The following LRIG1 variants were observed in gnomAD, a reference collection of about 807,000 sequenced individuals.
LRIG1 encodes leucine-rich repeats and immunoglobulin-like domains protein 1.
LRIG1 carries 48 observed loss-of-function variants against 99.2 expected under a neutral mutation model. That is an observed-to-expected ratio of 0.48 (90% CI 0.38 to 0.62). The LOEUF (loss-of-function observed/expected upper bound fraction) is 0.62, where lower values mean the gene tolerates loss of function less well. LRIG1 is among the 20% of genes least tolerant of loss of function. The probability of loss-of-function intolerance (pLI) is 0.00; values close to 1 mark genes in which losing one functional copy is unlikely to be tolerated. For synonymous variants in LRIG1, 772 were observed against 596.1 expected, an observed-to-expected ratio of 1.29 and a Z score of -4.30; for missense variants, 1,646 against 1,434.4, an observed-to-expected ratio of 1.15 and a Z score of -2.38.
At chr3:66,443,737 C>T (rs983734509) in intron 3 of LRIG1, among the ~76,000 whole-genome samples, 1 of 152,216 alleles carries the variant, frequency 6.6e-6, no homozygotes, top group Non-Finnish European at 1.5e-5. Flanking sequence ...TGTTTGCTCA[C>T]GAAAGGCCTT....
rs1464921964 is a variant in LRIG1 at position 66,380,016 on chromosome 3, A to AAGAT, written c.*243_*246dup. ...CTAAAGATTAAAATAGCCTCTGTAA[A>AAGAT]AGATATATATGAAATCTCTGAAAAC... On this transcript the variant is annotated 3_prime_UTR_variant, in exon 19 of 19. Coordinates refer to ENST00000273261, the MANE Select transcript of LRIG1 (RefSeq NM_015541.3). 6 of 340,356 alleles carry AAGAT rather than the reference A, an allele frequency of 1.8e-5. No individual in the cohort carries two copies. Among genetic ancestry groups the AAGAT allele is most frequent in the East Asian group, 9.5e-5 (2 of 21,072 alleles). The allele number at this position is 340,356 out of a possible 1,614,324, so 21.1% of individuals were successfully genotyped here.
chr3:66,401,960 C>T (rs929704145), intron 9 of LRIG1, among the ~76,000 whole-genome samples: 3 of 152,092 alleles, frequency 2.0e-5, no homozygotes, highest in African/African-American at 7.2e-5. Context: ...TGGAAGTAGC[C>T]GCGACATGTG....
chr3:66,440,649 C>G (rs1703509694), intron 3 of LRIG1, among the ~76,000 whole-genome samples: 1 of 152,156 alleles, frequency 6.6e-6, no homozygotes, highest in Middle Eastern at 3.2e-3. Flanking sequence ...GCAGCAAAAG[C>G]AGGCTTGCCT....
chr3:66,382,369 T>C lies in LRIG1; in HGVS notation c.2521A>G (p.Ser841Gly), dbSNP rs1379626131. Residue 841 changes from serine to glycine, a missense_variant, in exon 16 of 19, where the codon AGC becomes GGC. Coordinates refer to ENST00000273261, the MANE Select transcript of LRIG1 (RefSeq NM_015541.3). ...AGGGTCCCCTGAGAAGAGAGGTAGC[T>C]TGGAACATCTGGTGGCACGACGGTT... The part of the protein sequence containing the change: ...DETVVPPDVP[S>G]YLSSQGTLSD... 3.9e-5 allele frequency: 63 copies of C among 1,614,070 alleles called. No homozygotes were observed. Among genetic ancestry groups the C allele is most frequent in the Non-Finnish European group, 5.2e-5 (61 of 1,180,040 alleles).
intron 1 of LRIG1, among the ~76,000 whole-genome samples, chr3:66,481,290 C>G (rs1243323224): frequency 1.3e-5 from 2 of 152,234 alleles, no homozygotes; most frequent in Non-Finnish European, 2.9e-5. Flanking sequence ...TTCACACTTT[C>G]AGAGTGCAAA....
chr3:66,458,609 T>G (rs1326352502), intron 2 of LRIG1, among the ~76,000 whole-genome samples: 1 of 151,498 alleles, frequency 6.6e-6, no homozygotes, highest in Non-Finnish European at 1.5e-5. Context: ...AACTGAGGCA[T>G]GAGAATCACT....
At chr3:66,388,574 G>A (rs1701492676) in intron 12 of LRIG1, among the ~76,000 whole-genome samples, 2 of 152,044 alleles carry the variant, frequency 1.3e-5, no homozygotes, top group South Asian at 4.2e-4. Flanking sequence ...AAGCTGTCAG[G>A]TGCCAAAGAC....
At chr3:66,497,349 G>A (rs1701250159) in intron 1 of LRIG1, among the ~76,000 whole-genome samples, 1 of 152,160 alleles carries the variant, frequency 6.6e-6, no homozygotes, top group African/African-American at 2.4e-5. Flanking sequence ...CTGAAGCCAT[G>A]CTCTCAAAAA....
rs143488399 is a variant in LRIG1, at chr3:66,479,450, C to T, written c.219-16941G>A. ...GACGGGCAAGTTATGAGGCATTACA[C>T]TTCTACCTGTAGATCTTCAAAGTCT... On this transcript the variant is annotated intron_variant, in intron 1 of 18. Coordinates refer to ENST00000273261, the MANE Select transcript of LRIG1 (RefSeq NM_015541.3). Among the ~76,000 whole-genome samples the T allele has an allele frequency of 2.2e-4, 33 of 152,326 alleles. No homozygotes were observed. The East Asian group carries it at 5.6e-3, about 26-fold the overall frequency.
chr3:66,382,533 C>G, intron 15 of LRIG1, 135 bp from the exon 16 acceptor site: 1 of 1,030,684 alleles, frequency 9.7e-7, no homozygotes, highest in South Asian at 1.4e-5. Flanking sequence ...GACATGGAGT[C>G]CATGTACGCA....
rs1457054458 is a variant in LRIG1 at position 66,386,252 on chromosome 3, A to G, written c.1518T>C (p.Ala506=). 4 of 1,614,056 alleles carry G rather than the reference A, an allele frequency of 2.5e-6. No homozygotes were observed. In the South Asian group the frequency reaches 4.4e-5, roughly 18 times the overall value. The change falls in exon 13 of 19, where the codon GCT becomes GCC. Residue 506 remains alanine, a synonymous_variant. Transcript: ENST00000273261. ...QIITQPETTM[A]MVGKDIRFTC... is the part of the protein sequence containing the mutation. Reference sequence around the variant, plus strand: ...TAAACCGGATGTCCTTGCCCACCATAGCCATGGTGGTTTCTGGCTGGGTGA... The same window carrying G: ...TAAACCGGATGTCCTTGCCCACCATGGCCATGGTGGTTTCTGGCTGGGTGA...
chr3:66,437,900 T>A (rs1382649084), intron 3 of LRIG1, among the ~76,000 whole-genome samples: 1 of 152,084 alleles, frequency 6.6e-6, no homozygotes, highest in East Asian at 1.9e-4. Context: ...ACACACCCAG[T>A]GTGGGCTTTC....
intron 12 of LRIG1, among the ~76,000 whole-genome samples, chr3:66,389,041 T>C (rs1362260939): frequency 6.6e-6 from 1 of 152,190 alleles, no homozygotes; most frequent in Admixed American, 6.5e-5. Context: ...TATAAGGCTG[T>C]GTTGATGGGC....
intron 12 of LRIG1, among the ~76,000 whole-genome samples, chr3:66,391,084 G>A (rs1193243521): frequency 1.3e-5 from 2 of 151,990 alleles, no homozygotes; most frequent in Admixed American, 1.3e-4. Flanking sequence ...TAATCATTAG[G>A]GAAGTGCAAA....
rs531615775 is a variant in LRIG1, at chr3:66,389,260, G to C, written c.1469-2959C>G. Among the ~76,000 whole-genome samples the C allele has an allele frequency of 2.8e-4, 43 of 152,134 alleles. No homozygotes were observed. In the South Asian group the frequency reaches 6.4e-3, roughly 23 times the overall value. On this transcript the variant is annotated intron_variant, in intron 12 of 18. Coordinates refer to ENST00000273261, the MANE Select transcript of LRIG1 (RefSeq NM_015541.3). ...ATTTAAAAAACAGGGAATTAAAATA[G>C]TACAACAGAAAATATCTTTTCAATA...
rs1701179961 is a variant in LRIG1 at position 66,383,138 on chromosome 3, TCAG to T, written c.2332_2334del (p.Leu778del). The T allele has an allele frequency of 6.2e-7, 1 of 1,614,106 alleles. No individual in the cohort carries two copies. The highest frequency in any genetic ancestry group is 1.3e-5 in the African/African-American group (1 of 74,932). On this transcript the variant is annotated inframe_deletion, in exon 15 of 19. Transcript: ENST00000273261. ...CTGCAGCCTGCTGCGGGCAGGACGC[TCAG>T]CTGGCTGTGAGCTCGCTCCGTGCCC...
intron 9 of LRIG1, chr3:66,404,145 T>G: frequency 1.2e-6 from 1 of 801,842 alleles, no homozygotes; most frequent in South Asian, 1.4e-5. Context: ...AGCTTATTCC[T>G]AAGCAGGACC....
In LRIG1 at chr3:66,500,452, G is replaced by A; in HGVS notation, c.-45C>T. ...GAACTCCGGGCGCGGGGACTGTGAG[G>A]ACCCGAACGGCCGCAGACGCGGGCG... On this transcript the variant is annotated 5_prime_UTR_variant, in exon 1 of 19. Transcript: ENST00000273261. The A allele has an allele frequency of 4.9e-6, 6 of 1,214,204 alleles. No individual in the cohort carries two copies. In the South Asian group the frequency reaches 1.3e-4, roughly 27 times the overall value. The allele number at this position is 1,214,204 out of a possible 1,614,324, so 75.2% of individuals were successfully genotyped here. A position where few individuals can be genotyped will look rare whatever the true frequency, so the allele number is the denominator to read the frequency against.
At chr3:66,429,672 G>A (rs1703092274) in intron 3 of LRIG1, among the ~76,000 whole-genome samples, 1 of 152,142 alleles carries the variant, frequency 6.6e-6, no homozygotes, top group Admixed American at 6.5e-5. Context: ...TCAGAACCAA[G>A]ACTGAACTCT....
Sources: gnomAD v4.1 joint callset for allele counts (sites outside exome capture counted in the v4.1 genomes callset) on GRCh38, gnomAD v4.1.1 for gene constraint, MANE v1.5 for transcripts, NCBI Gene and HGNC (gene_info 2026-07-23, HGNC 2026-07-21) for gene names.